Variants in GRID2 observed in about 807,000 individuals in gnomAD.
The protein encoded by GRID2 is glutamate ionotropic receptor delta type subunit 2.
In GRID2, 33 loss-of-function variants were observed where a neutral mutation model predicts 114.8. The ratio of observed to expected loss-of-function variants is 0.29; its 90% CI spans 0.22 to 0.38. The LOEUF (loss-of-function observed/expected upper bound fraction) is 0.38, where lower values mean the gene tolerates loss of function less well. Ranked by LOEUF, GRID2 falls within the 10% of genes least tolerant of loss-of-function variation. GRID2 has a pLI of 1.00. For synonymous variants in GRID2, 505 were observed against 449.9 expected (o/e 1.12, Z -1.55); for missense variants, 1,184 against 1,257.7 (o/e 0.94, Z 0.89).
intron 1 of GRID2, among the ~76,000 whole-genome samples, chr4:92,522,375 AT>A (rs1423324760): frequency 6.6e-6 from 1 of 151,974 alleles, no homozygotes; most frequent in African/African-American, 2.4e-5. Flanking sequence ...GCAGGGCGTT[AT>A]AAGCCATTGT....
At chr4:93,029,887 A>G (rs1724233327) in intron 2 of GRID2, among the ~76,000 whole-genome samples, 1 of 152,204 alleles carries the variant, frequency 6.6e-6, no homozygotes, top group African/African-American at 2.4e-5. Flanking sequence ...AAAAATAAAC[A>G]TGCTTTATTC....
chr4:93,684,393 A>G (rs1056972934), intron 14 of GRID2, among the ~76,000 whole-genome samples: 3 of 152,164 alleles, frequency 2.0e-5, no homozygotes, highest in African/African-American at 4.8e-5. Context: ...TAATATATTG[A>G]TGCTGAAGGA....
chr4:92,340,516 T>C (rs947415214), intron 1 of GRID2, among the ~76,000 whole-genome samples: 3 of 152,174 alleles, frequency 2.0e-5, no homozygotes, highest in Non-Finnish European at 1.5e-5. Flanking sequence ...GTAGAAATGC[T>C]ACCTGCTTGT....
At chr4:93,228,682 T>C (rs1745778453) in intron 7 of GRID2, among the ~76,000 whole-genome samples, 1 of 152,182 alleles carries the variant, frequency 6.6e-6, no homozygotes, top group African/African-American at 2.4e-5. Context: ...TGTAGAGAGC[T>C]GGCAGGTATA....
At chr4:93,560,349 C>T (rs151241314) in intron 13 of GRID2, among the ~76,000 whole-genome samples, 25 of 150,532 alleles carry the variant, frequency 1.7e-4, no homozygotes, top group Admixed American at 1.2e-3. Flanking sequence ...CTCACAACTG[C>T]TTATCTTCTG....
chr4:92,440,304 A>G (rs976103420), intron 1 of GRID2, among the ~76,000 whole-genome samples: 26 of 146,116 alleles, frequency 1.8e-4, no homozygotes, highest in African/African-American at 6.3e-4. Flanking sequence ...GTCTATTATC[A>G]GACTGTATTG....
At chr4:93,533,551 T>A (rs1163600547) in intron 13 of GRID2, among the ~76,000 whole-genome samples, 2 of 146,564 alleles carry the variant, frequency 1.4e-5, no homozygotes, top group Non-Finnish European at 1.5e-5. Context: ...TTTTTTTTTT[T>A]TTTTTTTTTG....
At chr4:93,003,114 A>G (rs1721173689) in intron 2 of GRID2, among the ~76,000 whole-genome samples, 1 of 151,912 alleles carries the variant, frequency 6.6e-6, no homozygotes, top group South Asian at 2.1e-4. Flanking sequence ...TTTGCTATAT[A>G]AAATAACATC....
chr4:93,314,371 C>T (rs995697502), intron 8 of GRID2, among the ~76,000 whole-genome samples: 1 of 150,562 alleles, frequency 6.6e-6, no homozygotes, highest in Admixed American at 6.6e-5. Flanking sequence ...TTCCAATGTC[C>T]TACAAGACCC....
intron 1 of GRID2, among the ~76,000 whole-genome samples, chr4:92,451,948 T>C (rs1350157314): frequency 6.6e-6 from 1 of 152,192 alleles, no homozygotes; most frequent in Non-Finnish European, 1.5e-5. Context: ...TGTCTTGTGA[T>C]TTGGCTTTCT....
intron 13 of GRID2, among the ~76,000 whole-genome samples, chr4:93,524,144 C>T (rs1048213843): frequency 1.3e-5 from 2 of 152,002 alleles, no homozygotes; most frequent in African/African-American, 4.8e-5. Context: ...GCCCTTATTA[C>T]AGAAATAAAC....
intron 1 of GRID2, among the ~76,000 whole-genome samples, chr4:92,429,876 T>G (rs987541877): frequency 3.3e-5 from 5 of 152,230 alleles, no homozygotes; most frequent in Non-Finnish European, 7.3e-5. Context: ...CCTTTTCATG[T>G]ACCTGTTTGT....
At chr4:93,332,021 T>C (rs1758517229) in intron 8 of GRID2, among the ~76,000 whole-genome samples, 1 of 152,136 alleles carries the variant, frequency 6.6e-6, no homozygotes, top group Non-Finnish European at 1.5e-5. Context: ...TGAAAGCTAA[T>C]TGGTCTACAT....
intron 8 of GRID2, among the ~76,000 whole-genome samples, chr4:93,355,177 C>T (rs1761212873): frequency 1.3e-5 from 2 of 151,908 alleles, no homozygotes; most frequent in Non-Finnish European, 2.9e-5. Context: ...TTACTTACTA[C>T]TGTGGAACAA....
chr4:93,318,075 C>T (rs956842887), intron 8 of GRID2, among the ~76,000 whole-genome samples: 2 of 142,686 alleles, frequency 1.4e-5, no homozygotes, highest in African/African-American at 5.1e-5. Flanking sequence ...GACTGGGAAA[C>T]ATCAAGTTAA....
intron 13 of GRID2, among the ~76,000 whole-genome samples, chr4:93,606,356 C>A (rs1740239475): frequency 6.6e-6 from 1 of 151,858 alleles, no homozygotes; most frequent in African/African-American, 2.4e-5. Context: ...TATCTAAGAA[C>A]CAAGGGCAAG....
At chr4:92,816,600 A>T (rs1740933224) in intron 2 of GRID2, among the ~76,000 whole-genome samples, 1 of 152,236 alleles carries the variant, frequency 6.6e-6, no homozygotes, top group South Asian at 2.1e-4. Flanking sequence ...CAAAAATTAC[A>T]AATATCTTAA....
At chr4:92,823,009 C>T (rs1197413311) in intron 2 of GRID2, 2 of 151,950 alleles carry the variant, frequency 1.3e-5, no homozygotes, top group African/African-American at 4.8e-5. Context: ...CTGCCACAGC[C>T]CTGCCACAAA....
At chr4:92,908,517 G>C (rs1235685915) in intron 2 of GRID2, among the ~76,000 whole-genome samples, 1 of 145,614 alleles carries the variant, frequency 6.9e-6, no homozygotes, top group Non-Finnish European at 1.5e-5. Flanking sequence ...AGTCGACATC[G>C]TGCCACTGCA....
Sources: gnomAD v4.1 joint callset for allele counts (sites outside exome capture counted in the v4.1 genomes callset) on GRCh38, gnomAD v4.1.1 for gene constraint, MANE v1.5 for transcripts, NCBI Gene and HGNC (gene_info 2026-07-23, HGNC 2026-07-21) for gene names.